The following NUDT3 variants were observed in gnomAD, a reference collection of about 807,000 sequenced individuals.
NUDT3 encodes diphosphoinositol polyphosphate phosphohydrolase 1.
In NUDT3, 9 loss-of-function variants were observed where a neutral mutation model predicts 23.6. The ratio of observed to expected loss-of-function variants is 0.38; its 90% CI spans 0.23 to 0.66. The LOEUF (loss-of-function observed/expected upper bound fraction) is 0.66, where lower values mean the gene tolerates loss of function less well. NUDT3 is among the 30% of genes least tolerant of loss of function. NUDT3 has a pLI of 0.52. For missense variants in NUDT3, 172 were observed against 218.5 expected (o/e 0.79, Z 1.34); for synonymous variants, 86 against 82.6 (o/e 1.04, Z -0.22).
chr6:34,338,936 G>C (rs960533713), intron 2 of NUDT3, among the ~76,000 whole-genome samples: 1 of 152,182 alleles, frequency 6.6e-6, no homozygotes, highest in African/African-American at 2.4e-5. Flanking sequence ...GATAAAAATA[G>C]TTTACAGAAT....
At chr6:34,317,030 G>A (rs1026355472) in intron 2 of NUDT3, among the ~76,000 whole-genome samples, 3 of 152,132 alleles carry the variant, frequency 2.0e-5, no homozygotes, top group Admixed American at 1.3e-4. Context: ...CTAGACACAC[G>A]TATTCTGAAG....
At chr6:34,329,298 G>T (rs375969321) in intron 2 of NUDT3, among the ~76,000 whole-genome samples, 9 of 150,332 alleles carry the variant, frequency 6.0e-5, no homozygotes, top group South Asian at 4.2e-4. Context: ...ATTTTTTTTT[G>T]AGATGAAGTC....
chr6:34,338,380 G>C (rs1340060529), intron 2 of NUDT3, among the ~76,000 whole-genome samples: 1 of 152,140 alleles, frequency 6.6e-6, no homozygotes, highest in African/African-American at 2.4e-5. Context: ...GCCAGAGTTA[G>C]CTACTCTGCC....
At chr6:34,342,659 T>C (rs1015269818) in intron 1 of NUDT3, among the ~76,000 whole-genome samples, 7 of 152,244 alleles carry the variant, frequency 4.6e-5, no homozygotes, top group South Asian at 4.1e-4. Flanking sequence ...TTTTCCTTAC[T>C]TACCCCTCTC....
At chr6:34,384,592 A>G (rs144202033) in intron 1 of NUDT3, among the ~76,000 whole-genome samples, 67 of 152,202 alleles carry the variant, frequency 4.4e-4, no homozygotes, top group African/African-American at 1.5e-3. Context: ...ATCTCACTGG[A>G]AGTACTTTAG....
chr6:34,374,740 C>T (rs1764893853), intron 1 of NUDT3, among the ~76,000 whole-genome samples: 1 of 152,140 alleles, frequency 6.6e-6, no homozygotes, highest in Non-Finnish European at 1.5e-5. Context: ...AGTGTGATTC[C>T]TTCTGTGGTT....
In NUDT3 at chr6:34,286,075, C is replaced by T. The variant is rs1763330397; in HGVS notation, c.*2678G>A. ...TAAATTACTGTTAGCACTGCAGTTC[C>T]GTTTTATTTTCTTATTTATTTATTA... On this transcript the variant is annotated 3_prime_UTR_variant, in exon 5 of 5. Transcript: ENST00000607016. 6.6e-6 allele frequency: 1 copy of T among 152,036 alleles called. No individual in the cohort carries two copies. The highest frequency in any genetic ancestry group is 2.1e-4 in the South Asian group (1 of 4,824). The allele number at this position is 152,036 out of a possible 1,614,324, so 9.4% of individuals were successfully genotyped here.
intron 2 of NUDT3, among the ~76,000 whole-genome samples, chr6:34,298,618 A>G (rs1763551362): frequency 6.7e-6 from 1 of 148,556 alleles, no homozygotes; most frequent in African/African-American, 2.5e-5. Context: ...GAAACTAATG[A>G]TGTTTGTTTG....
At chr6:34,351,438 TTTAAAAAAAAAA>T (rs1764474547) in intron 1 of NUDT3, among the ~76,000 whole-genome samples, 1 of 131,046 alleles carries the variant, frequency 7.6e-6, no homozygotes, top group African/African-American at 3.0e-5. Context: ...AGACCATGTC[TTTAAAAAAAAAA>T]AAATTAGAGG....
intron 1 of NUDT3, among the ~76,000 whole-genome samples, chr6:34,369,473 A>G (rs992994637): frequency 4.6e-5 from 7 of 152,244 alleles, no homozygotes; most frequent in Admixed American, 2.6e-4. Context: ...CGATGGGGCT[A>G]CAATGGTAAG....
At chr6:34,301,463 C>G (rs1015314304) in intron 2 of NUDT3, among the ~76,000 whole-genome samples, 3 of 152,252 alleles carry the variant, frequency 2.0e-5, no homozygotes, top group Non-Finnish European at 4.4e-5. Flanking sequence ...CAAGCCTAGG[C>G]CTCAAGAGGC....
intron 4 of NUDT3, among the ~76,000 whole-genome samples, chr6:34,292,480 T>C (rs17628946): frequency 0.095 from 14,383 of 152,170 alleles, 792 homozygotes; most frequent in Non-Finnish European, 0.12. Context: ...GATGTAAACG[T>C]AACAGCCATC....
intron 1 of NUDT3, among the ~76,000 whole-genome samples, chr6:34,349,530 T>C (rs893783865): frequency 1.8e-4 from 27 of 150,544 alleles, no homozygotes; most frequent in Non-Finnish European, 3.2e-4. Context: ...AGAAATTATA[T>C]GAATGTGGGA....
In NUDT3 at chr6:34,287,095, TA is replaced by T. The variant is rs1334124621; in HGVS notation, c.*1657del. On this transcript the variant is annotated 3_prime_UTR_variant, in exon 5 of 5. Coordinates refer to ENST00000607016, the MANE Select transcript of NUDT3 (RefSeq NM_006703.4). ...TGCCCAGTGAGTAGACAGCAAAATT[TA>T]AAGTTCACCAACTGATGTTCCCAAA... The T allele has an allele frequency of 6.6e-6, 1 of 152,210 alleles. No homozygotes were observed. The highest frequency in any genetic ancestry group is 1.5e-5 in the Non-Finnish European group (1 of 68,060). The allele number at this position is 152,210 out of a possible 1,614,324, so 9.4% of individuals were successfully genotyped here. A position where few individuals can be genotyped will look rare whatever the true frequency, so the allele number is the denominator to read the frequency against.
At chr6:34,357,221 T>C (rs1406521210) in intron 1 of NUDT3, among the ~76,000 whole-genome samples, 2 of 152,114 alleles carry the variant, frequency 1.3e-5, no homozygotes, top group Non-Finnish European at 2.9e-5. Context: ...CCTACAAAAT[T>C]GGCCACGAGC....
rs1309918856 is a variant in NUDT3 at position 34,288,692 on chromosome 6, AG to A, written c.*60del. ...GAGAAGTGGAAAGAGCCAGGGTGAG[AG>A]GGAAGATTTGCACTTCAGTCTAGTT... On this transcript the variant is annotated 3_prime_UTR_variant, in exon 5 of 5. Transcript: ENST00000607016. 16 of 1,551,976 alleles carry A rather than the reference AG, an allele frequency of 1.0e-5. No homozygotes were observed. In the Admixed American group the frequency reaches 3.2e-4, roughly 31 times the overall value.
chr6:34,365,095 A>C (rs1206988557), intron 1 of NUDT3, among the ~76,000 whole-genome samples: 3 of 152,174 alleles, frequency 2.0e-5, no homozygotes, highest in Non-Finnish European at 4.4e-5. Flanking sequence ...CACAATGTTG[A>C]CAAGTAATTT....
intron 1 of NUDT3, among the ~76,000 whole-genome samples, chr6:34,385,788 A>G (rs1040230781): frequency 2.0e-5 from 3 of 151,848 alleles, no homozygotes; most frequent in South Asian, 2.1e-4. Context: ...GGTTCAAGCA[A>G]TTCTTGTGCC....
At chr6:34,340,692 A>G (rs576764218) in intron 2 of NUDT3, among the ~76,000 whole-genome samples, 6 of 152,190 alleles carry the variant, frequency 3.9e-5, no homozygotes, top group Non-Finnish European at 8.8e-5. Flanking sequence ...TTTCTTCAGC[A>G]TCTGCATTGT....
Sources: gnomAD v4.1 joint callset for allele counts (sites outside exome capture counted in the v4.1 genomes callset) on GRCh38, gnomAD v4.1.1 for gene constraint, MANE v1.5 for transcripts, NCBI Gene and HGNC (gene_info 2026-07-23, HGNC 2026-07-21) for gene names.